The following LRCH1 variants were observed in gnomAD, a reference collection of about 807,000 sequenced individuals.
The protein encoded by LRCH1 is leucine rich repeats and calponin homology domain containing 1.
In LRCH1, 23 loss-of-function variants were observed where a neutral mutation model predicts 94.9. That is an observed-to-expected ratio of 0.24 (90% CI 0.17 to 0.34). The LOEUF (loss-of-function observed/expected upper bound fraction) is 0.34, where lower values mean the gene tolerates loss of function less well. LRCH1 is among the 10% of genes least tolerant of loss of function. The probability of loss-of-function intolerance (pLI) is 1.00; values close to 1 mark genes in which losing one functional copy is unlikely to be tolerated. For missense variants in LRCH1, 790 were observed against 945.9 expected (o/e 0.84, Z 2.16); for synonymous variants, 364 against 354.9 (o/e 1.03, Z -0.29).
chr13:46,648,183 C>T (rs116263278), intron 1 of LRCH1, among the ~76,000 whole-genome samples: 4 of 152,120 alleles, frequency 2.6e-5, no homozygotes, highest in East Asian at 1.9e-4. Flanking sequence ...ACAAGGAGCA[C>T]GCAACCTAGG....
rs1331298377 is a variant in LRCH1, at chr13:46,692,579, ACAT to A, written c.1062_1064del (p.Ile354del). The A allele has an allele frequency of 4.3e-6, 7 of 1,613,986 alleles. No individual in the cohort carries two copies. In the Admixed American group the frequency reaches 1.2e-4, roughly 27 times the overall value. On this transcript the variant is annotated inframe_deletion, in exon 8 of 20. Transcript: ENST00000389797. ...GTTAGCCTCAATGTGCCAATGTCAA[ACAT>A]CATGGAAGAAGAACAGATCATCAAG... is the stretch of plus-strand genomic sequence containing the variant.
intron 12 of LRCH1, 40 bp downstream of exon 12, chr13:46,705,197 C>A: frequency 6.3e-7 from 1 of 1,589,512 alleles, no homozygotes. Flanking sequence ...TTTCTCTTTT[C>A]ATAATACATT....
chr13:46,604,207 T>G (rs927835325), intron 1 of LRCH1, among the ~76,000 whole-genome samples: 1 of 152,246 alleles, frequency 6.6e-6, no homozygotes, highest in African/African-American at 2.4e-5. Flanking sequence ...ACTAAAAGAT[T>G]GTTAATTATC....
intron 1 of LRCH1, among the ~76,000 whole-genome samples, chr13:46,592,820 G>A (rs1275431138): frequency 1.3e-5 from 2 of 152,068 alleles, no homozygotes; most frequent in Non-Finnish European, 2.9e-5. Flanking sequence ...ATCTGGCCCC[G>A]TCTTACCTCT....
chr13:46,566,298 A>G (rs1371062589), intron 1 of LRCH1, among the ~76,000 whole-genome samples: 1 of 152,214 alleles, frequency 6.6e-6, no homozygotes, highest in Non-Finnish European at 1.5e-5. Flanking sequence ...AATATATAGT[A>G]GATTCAATTG....
At chr13:46,580,839 A>G (rs2050356913) in intron 1 of LRCH1, among the ~76,000 whole-genome samples, 1 of 152,228 alleles carries the variant, frequency 6.6e-6, no homozygotes, top group Non-Finnish European at 1.5e-5. Context: ...CAGTTGGTAC[A>G]AATTACACAA....
chr13:46,675,014 T>A (rs553891625), intron 3 of LRCH1, among the ~76,000 whole-genome samples: 1 of 152,334 alleles, frequency 6.6e-6, no homozygotes, highest in African/African-American at 2.4e-5. Context: ...AAAGGTTTGG[T>A]ACAAATGGTC....
chr13:46,629,752 C>G (rs1192008789), intron 1 of LRCH1, among the ~76,000 whole-genome samples: 1 of 152,184 alleles, frequency 6.6e-6, no homozygotes, highest in Non-Finnish European at 1.5e-5. Flanking sequence ...TCACTTCCTA[C>G]GAATATCTTG....
In LRCH1 at chr13:46,677,626, T is replaced by C. The variant is rs979936254; in HGVS notation, c.580-4115T>C. On this transcript the variant is annotated intron_variant, in intron 3 of 19. Transcript: ENST00000389797. The stretch of plus-strand genomic sequence containing the variant: ...AACTCCAACATGGTTTTAATACTTC[T>C]AGAGACTCTTTTTATTGTGATGAGG... Among the ~76,000 whole-genome samples the C allele has an allele frequency of 1.2e-4, 18 of 152,322 alleles. No homozygotes were observed. In the East Asian group the frequency reaches 3.5e-3, roughly 29 times the overall value.
chr13:46,728,711 AGT>A (rs1872950746), intron 17 of LRCH1, 134 bp from the exon 18 acceptor site: 1 of 788,298 alleles, frequency 1.3e-6, no homozygotes, highest in Admixed American at 3.1e-5. Flanking sequence ...AAATAATGTC[AGT>A]GTTTTCTAGG....
intron 2 of LRCH1, among the ~76,000 whole-genome samples, chr13:46,655,588 C>G (rs565556898): frequency 6.6e-6 from 1 of 152,180 alleles, no homozygotes; most frequent in African/African-American, 2.4e-5. Context: ...ATAGAGGAAC[C>G]AACACTTTGA....
chr13:46,558,687 T>C (rs1309788385), intron 1 of LRCH1, among the ~76,000 whole-genome samples: 1 of 150,956 alleles, frequency 6.6e-6, no homozygotes, highest in Non-Finnish European at 1.5e-5. Context: ...GAGCCGAGGT[T>C]GCGCCACTGC....
At chr13:46,558,598 A>AAAAAAAAAAAAAAAAAAAAAAAAT in intron 1 of LRCH1, among the ~76,000 whole-genome samples, 1 of 143,678 alleles carries the variant, frequency 7.0e-6, no homozygotes, top group Non-Finnish European at 1.5e-5. Context: ...AAAAAAAAAA[A>AAAAAAAAAAAAAAAAAAAAAAAAT]GCTGGGTTCC....
At chr13:46,630,036 G>A (rs933211721) in intron 1 of LRCH1, among the ~76,000 whole-genome samples, 3 of 152,220 alleles carry the variant, frequency 2.0e-5, no homozygotes, top group African/African-American at 7.2e-5. Flanking sequence ...AAGTTACAGA[G>A]TGATTCCTTA....
At chr13:46,706,478 TTTGCAGTCTCCCC>T (rs1871766300) in intron 13 of LRCH1, among the ~76,000 whole-genome samples, 1 of 152,224 alleles carries the variant, frequency 6.6e-6, no homozygotes, top group Admixed American at 6.5e-5. Context: ...AAGTCTTTTA[TTTGCAGTCTCCCC>T]TGGACCAATT....
chr13:46,557,168 T>A (rs1268361328), intron 1 of LRCH1, among the ~76,000 whole-genome samples: 2 of 36,446 alleles, frequency 5.5e-5, no homozygotes, highest in African/African-American at 1.1e-4. Context: ...GTAAAGCAAA[T>A]TTTTTTTTTT....
chr13:46,676,210 G>A (rs1384356839), intron 3 of LRCH1, among the ~76,000 whole-genome samples: 3 of 151,776 alleles, frequency 2.0e-5, no homozygotes, highest in Admixed American at 6.6e-5. Flanking sequence ...GCAGCAAGCC[G>A]AGATTGCGCC....
intron 19 of LRCH1, among the ~76,000 whole-genome samples, chr13:46,738,691 T>C (rs781412820): frequency 2.1e-4 from 32 of 152,230 alleles, no homozygotes; most frequent in Non-Finnish European, 2.6e-4. Flanking sequence ...ATGAGATTCT[T>C]ATTACAAGAT....
chr13:46,579,663 G>A (rs1178300487), intron 1 of LRCH1, among the ~76,000 whole-genome samples: 2 of 152,062 alleles, frequency 1.3e-5, no homozygotes, highest in Admixed American at 1.3e-4. Context: ...TATCTTTCCT[G>A]AATTACCTTT....
Sources: allele counts gnomAD v4.1 joint callset (sites outside exome capture counted in the v4.1 genomes callset), GRCh38; gene constraint gnomAD v4.1.1; transcripts MANE v1.5; gene names NCBI Gene and HGNC (gene_info 2026-07-23, HGNC 2026-07-21).